COL1A2: variants seen among roughly 807,000 people sequenced by gnomAD.
COL1A2 encodes collagen type I alpha 2 chain, also known as collagen alpha-2(I) chain.
COL1A2 carries 49 observed loss-of-function variants against 174.3 expected under a neutral mutation model. The ratio of observed to expected loss-of-function variants is 0.28; its 90% CI spans 0.22 to 0.36. COL1A2 has a LOEUF of 0.36. Among genes scored for constraint, COL1A2 ranks in the 10% least tolerant of loss-of-function variants. The pLI is 1.00. For missense variants in COL1A2, 1,438 were observed against 1,822.7 expected, an observed-to-expected ratio of 0.79 and a Z score of 3.84; for synonymous variants, 655 against 606.6, an observed-to-expected ratio of 1.08 and a Z score of -1.17.
chr7:94,419,885 A>G (rs1792118973), intron 34 of COL1A2, among the ~76,000 whole-genome samples: 2 of 152,302 alleles, frequency 1.3e-5, no homozygotes, highest in African/African-American at 4.8e-5. Flanking sequence ...TAGTGTGCCC[A>G]TTTCACATTG....
At chr7:94,404,265 A>C (rs1791748924) in intron 6 of COL1A2, among the ~76,000 whole-genome samples, 1 of 152,232 alleles carries the variant, frequency 6.6e-6, no homozygotes, top group Non-Finnish European at 1.5e-5. Flanking sequence ...AGACTGATTC[A>C]CTTCATTGCA....
intron 6 of COL1A2, 125 bp from the exon 7 acceptor site, chr7:94,404,431 G>A: frequency 1.0e-6 from 1 of 1,000,888 alleles, no homozygotes; most frequent in South Asian, 1.3e-5. Context: ...ATTCTTCCTT[G>A]GGAGGAATAA....
At position 94,421,056 on chromosome 7, in the gene COL1A2, C is replaced by T. The variant is rs747553412; in HGVS notation, c.2343C>T (p.Gly781=). ...CTGCTGGAAGTCGTGGTGATGGAGG[C>T]CCCCCTGTGAGTATTTACAATGGAC... ...PGPAGSRGDG[G]PPGMTGFPGA... is the part of the protein sequence containing the mutation. The change falls in exon 38 of 52, where the codon GGC becomes GGT. Residue 781 remains glycine, a synonymous_variant. Coordinates refer to ENST00000297268, the MANE Select transcript of COL1A2 (RefSeq NM_000089.4). 2 of 1,613,854 alleles carry T rather than the reference C, an allele frequency of 1.2e-6. No homozygotes were observed. Among genetic ancestry groups the T allele is most frequent in the South Asian group, 1.1e-5 (1 of 91,070 alleles).
intron 38 of COL1A2, 142 bp from the exon 39 acceptor site, chr7:94,421,757 C>T: frequency 8.8e-6 from 6 of 684,868 alleles, no homozygotes; most frequent in Admixed American, 2.1e-5. Flanking sequence ...CTAAATAATG[C>T]CCTATATGAA....
At chr7:94,396,863 T>G (rs1036296387) in intron 1 of COL1A2, among the ~76,000 whole-genome samples, 6 of 152,202 alleles carry the variant, frequency 3.9e-5, no homozygotes, top group South Asian at 2.1e-4. Flanking sequence ...AAGCAATTTT[T>G]GGGGTGATTC....
At chr7:94,410,860 TTCTC>T (rs765054576) in intron 21 of COL1A2, 25 bp from the exon 22 acceptor site, 2 of 1,600,004 alleles carry the variant, frequency 1.3e-6, no homozygotes, top group South Asian at 1.1e-5. Context: ...ATTTCTTTAA[TTCTC>T]TCTATTTCAT....
In COL1A2 at chr7:94,409,559, C is replaced by T. The variant is rs778088746; in HGVS notation, c.892-5C>T. 7 of 1,614,214 alleles carry T rather than the reference C, an allele frequency of 4.3e-6. No individual in the cohort carries two copies. Among genetic ancestry groups the T allele is most frequent in the Non-Finnish European group, 5.9e-6 (7 of 1,180,038 alleles). ...GATATCCTTCTCCTTTCCTTTTCCT[C>T]ATAGGGTAATCCTGGAGCAAACGGC... On this transcript the variant is annotated splice_polypyrimidine_tract_variant and splice_region_variant and intron_variant, in intron 17 of 51. Coordinates refer to ENST00000297268, the MANE Select transcript of COL1A2 (RefSeq NM_000089.4).
intron 31 of COL1A2, among the ~76,000 whole-genome samples, chr7:94,417,051 A>G (rs1792057529): frequency 6.6e-6 from 1 of 152,226 alleles, no homozygotes. Flanking sequence ...CACAATAAAA[A>G]GAAGACAACA....
chr7:94,415,617 GTGTTGATGT>G (rs1350675551), intron 30 of COL1A2, among the ~76,000 whole-genome samples: 1 of 152,136 alleles, frequency 6.6e-6, no homozygotes. Flanking sequence ...TTGGCCATGT[GTGTTGATGT>G]TCAAAGCCTA....
intron 1 of COL1A2, among the ~76,000 whole-genome samples, chr7:94,396,377 A>C (rs111261896): frequency 0.025 from 3,828 of 151,368 alleles, 174 homozygotes; most frequent in African/African-American, 0.088. Flanking sequence ...CCCTTCATTC[A>C]CTTTTAGTAT....
intron 48 of COL1A2, 23 bp downstream of exon 48, chr7:94,427,318 A>C (rs1792299486): frequency 6.3e-7 from 1 of 1,582,688 alleles, no homozygotes; most frequent in Non-Finnish European, 8.6e-7. Context: ...TGGGGAAATA[A>C]TAAAGAAGAT....
At chr7:94,407,363 C>CTACTACTAG (rs3069816) in intron 12 of COL1A2, among the ~76,000 whole-genome samples, 1 of 151,516 alleles carries the variant, frequency 6.6e-6, no homozygotes, top group Non-Finnish European at 1.5e-5. Flanking sequence ...ACTACTACTA[C>CTACTACTAG]CCTGGTTTTT....
At chr7:94,408,471 T>G in intron 15 of COL1A2, 91 bp downstream of exon 15, 1 of 1,419,952 alleles carries the variant, frequency 7.0e-7, no homozygotes, top group Non-Finnish European at 1.0e-6. Context: ...TAGCATCATT[T>G]CAGACACTTT....
rs1393372198 is a variant in COL1A2, at chr7:94,407,017, TA to T, written c.594+715del. On this transcript the variant is annotated intron_variant, in intron 12 of 51. Coordinates refer to ENST00000297268, the MANE Select transcript of COL1A2 (RefSeq NM_000089.4). The stretch of plus-strand genomic sequence containing the variant: ...CAAACTCATTCTCCCAAGAGCCCGA[TA>T]TAACAGCTCAGACTACTAATCACTG... Among the ~76,000 whole-genome samples the T allele has an allele frequency of 5.9e-5, 9 of 152,182 alleles. No homozygotes were observed. In the South Asian group the frequency reaches 6.2e-4, roughly 10 times the overall value.
rs1332911335 is a variant in COL1A2 at position 94,422,584 on chromosome 7, AAAAG to A, written c.2404-370_2404-367del. 4 of 209,668 alleles carry A rather than the reference AAAAG, an allele frequency of 1.9e-5. No individual in the cohort carries two copies. In the South Asian group the frequency reaches 2.6e-4, roughly 14 times the overall value. The allele number at this position is 209,668 out of a possible 1,614,324, so 13.0% of individuals were successfully genotyped here. On this transcript the variant is annotated intron_variant, in intron 39 of 51. Coordinates refer to ENST00000297268, the MANE Select transcript of COL1A2 (RefSeq NM_000089.4). ...TATTGGCTTTCTTTAAAAAAAAAAA[AAAAG>A]AAGAAAAAAGAAAAGGCAAAGTCCT...
chr7:94,402,703 C>T (rs551235928), intron 6 of COL1A2, among the ~76,000 whole-genome samples: 4 of 152,170 alleles, frequency 2.6e-5, no homozygotes, highest in Admixed American at 2.0e-4. Context: ...TACACACACA[C>T]GCAATTTAGT....
chr7:94,424,615 C>G (rs1180831309), intron 41 of COL1A2, 172 bp downstream of exon 41: 7 of 619,874 alleles, frequency 1.1e-5, no homozygotes, highest in Non-Finnish European at 1.7e-5. Flanking sequence ...TACCACCTTA[C>G]TTAGACACAC....
chr7:94,417,370 A>T (rs1792063519), intron 31 of COL1A2: 1 of 321,950 alleles, frequency 3.1e-6, no homozygotes, highest in Non-Finnish European at 6.0e-6. Context: ...CATGCTTTCT[A>T]TCTGGGCTAA....
chr7:94,409,135 A>G (rs1337531533), intron 16 of COL1A2, among the ~76,000 whole-genome samples, 187 bp from the exon 17 acceptor site: 1 of 152,228 alleles, frequency 6.6e-6, no homozygotes, highest in African/African-American at 2.4e-5. Context: ...TAGTAACAGT[A>G]GCCAAGATGG....
Sources: gnomAD v4.1 joint callset for allele counts (sites outside exome capture counted in the v4.1 genomes callset) on GRCh38, gnomAD v4.1.1 for gene constraint, MANE v1.5 for transcripts, NCBI Gene and HGNC (gene_info 2026-07-23, HGNC 2026-07-21) for gene names.